Variants in JAK1 observed in about 807,000 individuals in gnomAD.
JAK1 encodes tyrosine-protein kinase JAK1.
A neutral mutation model predicts 136.6 loss-of-function variants in JAK1; 16 were observed. That is an observed-to-expected ratio of 0.12 (90% confidence interval 0.08 to 0.18). The LOEUF (loss-of-function observed/expected upper bound fraction) is 0.18. Ranked by LOEUF, JAK1 falls within the 10% of genes least tolerant of loss-of-function variation. The probability of loss-of-function intolerance (pLI) is 1.00; values close to 1 mark genes in which losing one functional copy is unlikely to be tolerated. For missense variants in JAK1, 859 were observed against 1,450.1 expected, an observed-to-expected ratio of 0.59 and a Z score of 6.62; for synonymous variants, 492 against 519.5, an observed-to-expected ratio of 0.95 and a Z score of 0.72.
At chr1:64,937,622 A>C (rs2100493786) in intron 1 of JAK1, among the ~76,000 whole-genome samples, 1 of 152,338 alleles carries the variant, frequency 6.6e-6, no homozygotes, top group African/African-American at 2.4e-5. Context: ...CATTAGTGGA[A>C]CACTGATTAG....
chr1:65,061,639 C>T (rs905365945), intron 1 of JAK1, among the ~76,000 whole-genome samples: 4 of 152,120 alleles, frequency 2.6e-5, no homozygotes, highest in Non-Finnish European at 4.4e-5. Context: ...AAATTATCAT[C>T]TAATTCAGTG....
At chr1:64,852,147 G>A (rs1022214362) in intron 11 of JAK1, among the ~76,000 whole-genome samples, 2 of 152,180 alleles carry the variant, frequency 1.3e-5, no homozygotes, top group African/African-American at 4.8e-5. Context: ...CATGCCAGCC[G>A]GTGTTCTATG....
At chr1:64,841,788 GTCCAAA>G (rs1202283224) in intron 17 of JAK1, among the ~76,000 whole-genome samples, 187 bp from the exon 18 acceptor site, 3 of 152,152 alleles carry the variant, frequency 2.0e-5, no homozygotes, top group African/African-American at 4.8e-5. Context: ...ATACTGAATA[GTCCAAA>G]TTCAAGGAGA....
chr1:65,029,362 A>G (rs1266348090), intron 2 of JAK1, among the ~76,000 whole-genome samples: 1 of 152,148 alleles, frequency 6.6e-6, no homozygotes, highest in African/African-American at 2.4e-5. Context: ...AGCCTCCCAA[A>G]GTGCTGGGAT....
chr1:64,931,489 C>T (rs545365225), intron 1 of JAK1, among the ~76,000 whole-genome samples: 21 of 152,086 alleles, frequency 1.4e-4, no homozygotes, highest in African/African-American at 2.4e-5. Flanking sequence ...TCAGCCCTCC[C>T]CAACCATGGC....
chr1:64,848,005 G>T, intron 12 of JAK1: 1 of 231,448 alleles, frequency 4.3e-6, no homozygotes, highest in East Asian at 9.8e-5. Flanking sequence ...CCAGCCACAT[G>T]GGTCCCACCC....
rs186606168 is a variant in JAK1 at position 64,889,083 on chromosome 1, T to C, written c.-77-2742A>G. Among the ~76,000 whole-genome samples the C allele has an allele frequency of 1.3e-3, 194 of 152,358 alleles. 2 individuals are homozygous for C. Among genetic ancestry groups the C allele is most frequent in the Non-Finnish European group, 4.4e-4 (30 of 68,038 alleles). ...TTGTGTAATGGCTTCATCCAAATAA[T>C]ATTTCTTCTAAAATAAACCAGACAA... is the stretch of plus-strand genomic sequence containing the variant. On this transcript the variant is annotated intron_variant, in intron 1 of 24. Transcript: ENST00000342505.
At chr1:65,044,520 T>C (rs747153531) in exon 2 of JAK1, among the ~76,000 whole-genome samples, 1 of 152,208 alleles carries the variant, frequency 6.6e-6, no homozygotes, top group Non-Finnish European at 1.5e-5. Context: ...CTTGGTGCTG[T>C]AGAGAGTCAA....
At chr1:64,845,492 T>G (rs1192774997) in intron 15 of JAK1, 21 bp downstream of exon 15, 1 of 1,613,876 alleles carries the variant, frequency 6.2e-7, no homozygotes, top group Non-Finnish European at 8.5e-7. Flanking sequence ...GGGACCATTA[T>G]GGACATCAGG....
At chr1:64,877,734 G>A (rs1553163755) in intron 4 of JAK1, among the ~76,000 whole-genome samples, 1 of 152,136 alleles carries the variant, frequency 6.6e-6, no homozygotes, top group Non-Finnish European at 1.5e-5. Context: ...TTAGAACCCA[G>A]GGACATACCC....
At chr1:65,040,227 A>G (rs1647117449) in intron 2 of JAK1, among the ~76,000 whole-genome samples, 1 of 151,994 alleles carries the variant, frequency 6.6e-6, no homozygotes, top group Admixed American at 6.6e-5. Flanking sequence ...AAAAAAAAAA[A>G]AAAGAAGTCT....
intron 2 of JAK1, chr1:64,973,808 A>G (rs1027646822): frequency 2.1e-4 from 32 of 152,242 alleles, no homozygotes; most frequent in African/African-American, 7.7e-4. Flanking sequence ...TCTATTGCTT[A>G]GTACCATGCA....
chr1:64,861,078 G>C (rs557224062), intron 8 of JAK1, among the ~76,000 whole-genome samples: 1 of 152,142 alleles, frequency 6.6e-6, no homozygotes, highest in South Asian at 2.1e-4. Context: ...CCTGAATCAA[G>C]GTGGCAGAGG....
chr1:65,019,167 A>G (rs1646916798), intron 2 of JAK1, among the ~76,000 whole-genome samples: 1 of 152,196 alleles, frequency 6.6e-6, no homozygotes, highest in Non-Finnish European at 1.5e-5. Flanking sequence ...TTAAGGAACA[A>G]AGTATTTTAA....
intron 2 of JAK1, among the ~76,000 whole-genome samples, chr1:65,005,784 T>C (rs905387784): frequency 5.3e-5 from 8 of 152,206 alleles, no homozygotes; most frequent in South Asian, 2.1e-4. Context: ...AGCAGACTTT[T>C]TGATGGAACT....
intron 2 of JAK1, among the ~76,000 whole-genome samples, chr1:65,029,341 C>T (rs1342636288): frequency 1.3e-5 from 2 of 152,140 alleles, no homozygotes; most frequent in East Asian, 3.9e-4. Flanking sequence ...CTCAAGTGAC[C>T]TGCCTGCCTC....
intron 2 of JAK1, among the ~76,000 whole-genome samples, chr1:65,024,126 A>C (rs1646958835): frequency 6.6e-6 from 1 of 152,148 alleles, no homozygotes; most frequent in Admixed American, 6.6e-5. Flanking sequence ...TTGGGGGTAT[A>C]TACCTAGGAG....
intron 2 of JAK1, among the ~76,000 whole-genome samples, chr1:65,022,530 G>A (rs920220003): frequency 6.6e-6 from 1 of 152,152 alleles, no homozygotes; most frequent in South Asian, 2.1e-4. Flanking sequence ...GAGGCATAAG[G>A]CTGGGAGGTG....
chr1:64,842,633 A>G (rs1232878117), intron 17 of JAK1, among the ~76,000 whole-genome samples: 2 of 152,224 alleles, frequency 1.3e-5, no homozygotes, highest in Non-Finnish European at 2.9e-5. Flanking sequence ...ATTTTATTAA[A>G]GACACGGGTC....
Sources: allele counts gnomAD v4.1 joint callset (sites outside exome capture counted in the v4.1 genomes callset), GRCh38; gene constraint gnomAD v4.1.1; transcripts MANE v1.5; gene names NCBI Gene and HGNC (gene_info 2026-07-23, HGNC 2026-07-21).